MTA3: variants seen among roughly 807,000 people sequenced by gnomAD.
MTA3 encodes the protein metastasis associated 1 family member 3, also known as metastasis-associated protein MTA3.
A neutral mutation model predicts 83.5 loss-of-function variants in MTA3; 34 were observed. The observed-to-expected ratio is 0.41, with a 90% CI of 0.31 to 0.54. The LOEUF is 0.54. Ranked by LOEUF, MTA3 falls within the 20% of genes least tolerant of loss-of-function variation. The pLI is 0.33. For missense variants in MTA3, 761 were observed against 726.4 expected (o/e 1.05, Z -0.55); for synonymous variants, 303 against 252.7 (o/e 1.20, Z -1.89).
At position 42,754,420 on chromosome 2, in the gene MTA3, C is replaced by T. The variant is rs1376707304; in HGVS notation, c.*1021C>T. 4.1e-6 allele frequency: 4 copies of T among 985,348 alleles called. No individual in the cohort carries two copies. The highest frequency in any genetic ancestry group is 2.3e-4 in the East Asian group (2 of 8,820). The allele number at this position is 985,348 out of a possible 1,614,324, so 61.0% of individuals were successfully genotyped here. On this transcript the variant is annotated 3_prime_UTR_variant, in exon 17 of 17. Coordinates refer to ENST00000405094, the MANE Select transcript of MTA3 (RefSeq NM_001330442.2). ...ATCTTGTGAGCACATGTGACCTAGG[C>T]CCCGGGGGACCTGCCTGCTCCTTTG... is the stretch of plus-strand genomic sequence containing the variant.
intron 1 of MTA3, 43 bp from the exon 2 acceptor site, chr2:42,570,394 T>C (rs775520669): frequency 7.8e-7 from 1 of 1,276,556 alleles, no homozygotes. Context: ...AAATCTGAAC[T>C]TTCTGTTAAA....
intron 16 of MTA3, among the ~76,000 whole-genome samples, chr2:42,724,277 A>AACACACACACACACAC (rs34379999): frequency 0.021 from 1,515 of 73,118 alleles, 83 homozygotes; most frequent in Non-Finnish European, 0.027. Context: ...AGTCCTGAAA[A>AACACACACACACACAC]ACACACACAC....
At chr2:42,599,092 G>A (rs1448766164) in intron 3 of MTA3, among the ~76,000 whole-genome samples, 1 of 152,134 alleles carries the variant, frequency 6.6e-6, no homozygotes, top group Non-Finnish European at 1.5e-5. Context: ...GGCTCAGGAC[G>A]GTGGCTAATG....
At chr2:42,711,204 C>G (rs1666581998) in intron 14 of MTA3, among the ~76,000 whole-genome samples, 1 of 152,194 alleles carries the variant, frequency 6.6e-6, no homozygotes, top group Non-Finnish European at 1.5e-5. Context: ...AAACCATCAG[C>G]AACTCAGTTG....
intron 2 of MTA3, among the ~76,000 whole-genome samples, chr2:42,536,645 G>A (rs1484252213): frequency 6.6e-6 from 1 of 152,000 alleles, no homozygotes; most frequent in Non-Finnish European, 1.5e-5. Flanking sequence ...GGATCACGAG[G>A]TCAGGAGATG....
At chr2:42,750,280 C>T (rs935538210) in intron 16 of MTA3, among the ~76,000 whole-genome samples, 4 of 152,154 alleles carry the variant, frequency 2.6e-5, no homozygotes, top group African/African-American at 9.7e-5. Flanking sequence ...TGAGCCACCA[C>T]GCCTGGCCAT....
chr2:42,656,362 G>T, intron 7 of MTA3, 60 bp downstream of exon 7: 2 of 1,027,856 alleles, frequency 1.9e-6, no homozygotes, highest in South Asian at 1.8e-5. Context: ...GAATTTATAG[G>T]TATATGTATT....
In MTA3 at chr2:42,609,465, T is replaced by A; in HGVS notation, c.198T>A (p.Ile66=). The A allele has an allele frequency of 6.2e-7, 1 of 1,613,632 alleles. No homozygotes were observed. Among genetic ancestry groups the A allele is most frequent in the Non-Finnish European group, 8.5e-7 (1 of 1,179,722 alleles). The part of the protein sequence containing the change: ...IMLADKHAKE[I]EEESETTVEA... ...TGAATTTTATTTGTGTAGAAGAAATTGAGGAAGAATCTGAAACAACAGTTG... is the reference window on the plus strand; with the variant it reads ...TGAATTTTATTTGTGTAGAAGAAATAGAGGAAGAATCTGAAACAACAGTTG... The change falls in exon 4 of 17, where the codon ATT becomes ATA. Residue 66 remains isoleucine, a synonymous_variant. Transcript: ENST00000405094.
At position 42,609,590 on chromosome 2, in the gene MTA3, A is replaced by T. The variant is rs1683929023; in HGVS notation, c.317+6A>T. 1 of 1,612,848 alleles carries T rather than the reference A, an allele frequency of 6.2e-7. No individual in the cohort carries two copies. The highest frequency in any genetic ancestry group is 1.7e-5 in the Admixed American group (1 of 59,804). ...CTGCCCGCAACACATATCAGGTAAG[A>T]ACTTTTTAGGAACTAAGGTACTCAG... On this transcript the variant is annotated splice_donor_region_variant and intron_variant, in intron 4 of 16. Transcript: ENST00000405094.
chr2:42,603,044 G>T (rs993928284), intron 3 of MTA3, among the ~76,000 whole-genome samples: 1 of 151,984 alleles, frequency 6.6e-6, no homozygotes, highest in Non-Finnish European at 1.5e-5. Flanking sequence ...TGTAATTCAG[G>T]GTAGGACTTT....
chr2:42,514,625 C>T (rs1188250643), intron 2 of MTA3, among the ~76,000 whole-genome samples: 1 of 150,372 alleles, frequency 6.7e-6, no homozygotes, highest in Non-Finnish European at 1.5e-5. Flanking sequence ...CTCAAGCGAT[C>T]TGCCCACCTC....
chr2:42,732,980 G>A (rs1285472300), intron 16 of MTA3, among the ~76,000 whole-genome samples: 1 of 152,170 alleles, frequency 6.6e-6, no homozygotes, highest in Non-Finnish European at 1.5e-5. Flanking sequence ...AAGCCATTCA[G>A]CAAGTCTGTA....
intron 4 of MTA3, among the ~76,000 whole-genome samples, chr2:42,629,591 C>G (rs571701560): frequency 1.3e-5 from 2 of 152,252 alleles, no homozygotes; most frequent in African/African-American, 4.8e-5. Flanking sequence ...AACCTCTAAT[C>G]TATCTCCTCA....
upstream of MTA3, among the ~76,000 whole-genome samples, chr2:42,563,776 ATTCCTTCCTTCCTTCCTTCC>A (rs374517534): frequency 3.9e-4 from 45 of 114,458 alleles, 1 homozygote; most frequent in East Asian, 1.0e-3. Flanking sequence ...TGGACCAAAC[ATTCCTTCCTTCCTTCCTTCC>A]TTCCTTCCTT....
At chr2:42,629,946 C>T (rs989845871) in intron 4 of MTA3, among the ~76,000 whole-genome samples, 1 of 151,894 alleles carries the variant, frequency 6.6e-6, no homozygotes, top group Non-Finnish European at 1.5e-5. Context: ...ACCCGGCTAA[C>T]TTTTTTTGTA....
intron 16 of MTA3, among the ~76,000 whole-genome samples, chr2:42,743,697 A>G (rs1669202461): frequency 6.6e-6 from 1 of 152,168 alleles, no homozygotes; most frequent in Non-Finnish European, 1.5e-5. Context: ...GAGTGTGAAG[A>G]TTGTCCTTCT....
At chr2:42,535,290 G>A (rs566569702) in intron 2 of MTA3, among the ~76,000 whole-genome samples, 4 of 152,174 alleles carry the variant, frequency 2.6e-5, no homozygotes, top group Non-Finnish European at 5.9e-5. Context: ...GGGAGGCTGA[G>A]GCAGGAGGAT....
intron 2 of MTA3, chr2:42,533,030 C>T: frequency 5.3e-6 from 1 of 187,954 alleles, no homozygotes; most frequent in Non-Finnish European, 1.1e-5. Flanking sequence ...CAACAGCATG[C>T]TGGGTGGCAT....
At chr2:42,507,434 G>C (rs866076884) in intron 2 of MTA3, among the ~76,000 whole-genome samples, 1 of 151,890 alleles carries the variant, frequency 6.6e-6, no homozygotes, top group African/African-American at 2.4e-5. Context: ...CAAAGTGTTG[G>C]GATTACAGGC....
Sources: gnomAD v4.1 joint callset for allele counts (sites outside exome capture counted in the v4.1 genomes callset) on GRCh38, gnomAD v4.1.1 for gene constraint, MANE v1.5 for transcripts, NCBI Gene and HGNC (gene_info 2026-07-23, HGNC 2026-07-21) for gene names.